TNS2: variants seen among roughly 807,000 people sequenced by gnomAD.
TNS2 encodes the protein tensin-2.
TNS2 carries 77 observed loss-of-function variants against 155.7 expected under a neutral mutation model. That is an observed-to-expected ratio of 0.49 (90% confidence interval 0.41 to 0.60). The LOEUF is 0.60. Ranked by LOEUF, TNS2 falls within the 20% of genes least tolerant of loss-of-function variation. The pLI is 0.00. For missense variants in TNS2, 1,703 were observed against 1,868.8 expected, an observed-to-expected ratio of 0.91 and a Z score of 1.64; for synonymous variants, 726 against 763.9, an observed-to-expected ratio of 0.95 and a Z score of 0.82.
At position 53,060,120 on chromosome 12, in the gene TNS2, C is replaced by A; in HGVS notation, c.2479C>A (p.Arg827=). 6.2e-7 allele frequency: 1 copy of A among 1,610,652 alleles called. No individual in the cohort carries two copies. Among genetic ancestry groups the A allele is most frequent in the Non-Finnish European group, 8.5e-7 (1 of 1,178,360 alleles). Residue 827 remains arginine, a synonymous_variant, in exon 18 of 29, where the codon CGG becomes AGG. Transcript: ENST00000314250. This position sits in a 1 kb window ranked among gnomAD's most constrained non-coding sequence, Gnocchi z 6.1. ...TCCCAGCCCTGGTGCCCACTCCCCA[C>A]GGGCTGGCTCCATTTCCCCGGGCAG... ...GYPSPGAHSP[R]AGSISPGSPP...
At chr12:53,057,296 A>C (rs1263726929) in intron 11 of TNS2, among the ~76,000 whole-genome samples, 200 bp downstream of exon 11, 7 of 152,232 alleles carry the variant, frequency 4.6e-5, no homozygotes, top group Non-Finnish European at 7.3e-5. Context: ...CCTGGGAATA[A>C]ATAGACGAGG....
chr12:53,060,735 C>A lies in TNS2; in HGVS notation c.2829C>A (p.Gly943=). 1 of 1,607,250 alleles carries A rather than the reference C, an allele frequency of 6.2e-7. No individual in the cohort carries two copies. Among genetic ancestry groups the A allele is most frequent in the Non-Finnish European group, 8.5e-7 (1 of 1,176,004 alleles). ...CGCCCACTCAGAGACTGAGTCCTGG[C>A]GAGGCCTTGCCCCCTGTTTCCCAGG... The part of the protein sequence containing the change: ...TSAPTQRLSP[G]EALPPVSQAG... Residue 943 remains glycine (G), a synonymous_variant, in exon 20 of 29, where the codon GGC becomes GGA. Coordinates refer to ENST00000314250, the MANE Select transcript of TNS2 (RefSeq NM_170754.4). The surrounding 1 kb of genome is among the most constrained non-coding windows in gnomAD (Gnocchi z 6.1).
rs934560150 is a variant in TNS2 at position 53,059,637 on chromosome 12, T to C, written c.1996T>C (p.Phe666Leu). The part of the protein sequence containing the change: ...PEMGKPATGD[F>L]GYRAPGYREV... The stretch of plus-strand genomic sequence containing the variant: ...GATGGGGAAACCAGCCACTGGGGAC[T>C]TTGGCTACCGCGCCCCAGGCTACCG... Residue 666 changes from phenylalanine to leucine, a missense_variant, in exon 18 of 29, where the codon TTT (phenylalanine) becomes CTT (leucine). Coordinates refer to ENST00000314250, the MANE Select transcript of TNS2 (RefSeq NM_170754.4). The surrounding 1 kb of genome is among the most constrained non-coding windows in gnomAD (Gnocchi z 4.7). 6.2e-7 allele frequency: 1 copy of C among 1,613,216 alleles called. No individual in the cohort carries two copies. Among genetic ancestry groups the C allele is most frequent in the Non-Finnish European group, 8.5e-7 (1 of 1,179,830 alleles).
At chr12:53,054,542 G>A (rs1040399423) in intron 7 of TNS2, 101 bp downstream of exon 7, 2 of 1,359,860 alleles carry the variant, frequency 1.5e-6, no homozygotes, top group Non-Finnish European at 1.9e-6. Flanking sequence ...AGGCCGCCAG[G>A]GGGCGGGACC....
chr12:53,051,914 C>T lies in TNS2; in HGVS notation c.135C>T (p.Val45=). The T allele has an allele frequency of 6.2e-7, 1 of 1,613,746 alleles. No individual in the cohort carries two copies. Among genetic ancestry groups the T allele is most frequent in the Non-Finnish European group, 8.5e-7 (1 of 1,179,810 alleles). ...REKVFRKKPP[V]CAVCKVTIDG... is the part of the protein sequence containing the mutation. The stretch of plus-strand genomic sequence containing the variant: ...AGGTTTTCCGGAAGAAACCTCCAGT[C>T]TGTGCAGTATGTAAGGTGACCATCG... Residue 45 remains valine, a synonymous_variant, in exon 2 of 29, where the codon GTC becomes GTT. Transcript: ENST00000314250.
Position 53,059,401 on chromosome 12 carries a change from G to T in TNS2, c.1760G>T (p.Gly587Val). The change falls in exon 18 of 29, where the codon GGC becomes GTC. Residue 587 changes from glycine to valine, a missense_variant. Transcript: ENST00000314250. The surrounding 1 kb of genome is among the most constrained non-coding windows in gnomAD (Gnocchi z 4.7). ...GGAGTGTATCCAGGCCATAGGCCTG[G>T]CCTCAGCCGCCACTGCTCCTGCCGC... ...HLGVYPGHRP[G>V]LSRHCSCRQG... The T allele has an allele frequency of 1.4e-6, 2 of 1,468,746 alleles. No homozygotes were observed. 91.0% of individuals were successfully genotyped at this position (1,468,746 alleles called of 1,614,324 possible).
intron 1 of TNS2, 31 bp from the exon 2 acceptor site, chr12:53,051,824 C>A: frequency 6.3e-7 from 1 of 1,579,284 alleles, no homozygotes; most frequent in Non-Finnish European, 8.7e-7. Flanking sequence ...CCACTGGGAA[C>A]TCACACCTCT....
At position 53,053,977 on chromosome 12, in the gene TNS2, T is replaced by A; in HGVS notation, c.313T>A (p.Ser105Thr). ...RRIEHLGSTK[S>T]LNHSKQRSTL... is the part of the protein sequence containing the mutation. ...TGTTAACCACCAGGGATCCACCAAATCTCTGAACCACTCAAAGCAGCGCAG... is the reference window on the plus strand; with the variant it reads ...TGTTAACCACCAGGGATCCACCAAAACTCTGAACCACTCAAAGCAGCGCAG... Residue 105 changes from serine to threonine, a missense_variant, in exon 6 of 29, where the codon TCT becomes ACT. By Grantham distance (58) the Ser-to-Thr change is moderately conservative. Transcript: ENST00000314250. 1 of 1,614,070 alleles carries A rather than the reference T, an allele frequency of 6.2e-7. No individual in the cohort carries two copies. Among genetic ancestry groups the A allele is most frequent in the Non-Finnish European group, 8.5e-7 (1 of 1,179,988 alleles).
At position 53,062,578 on chromosome 12, in the gene TNS2, C is replaced by T; in HGVS notation, c.3746-42C>T. 1.9e-6 allele frequency: 3 copies of T among 1,611,624 alleles called. No homozygotes were observed. The African/African-American group carries it at 4.0e-5, about 22-fold the overall frequency. Reference sequence around the variant, plus strand: ...AGGGAGTGCTCCAGCCTGGGGAACACTCTGCCTTCTGAGCTTCCCTGTCGG... The same window carrying T: ...AGGGAGTGCTCCAGCCTGGGGAACATTCTGCCTTCTGAGCTTCCCTGTCGG... On this transcript the variant is annotated intron_variant, in intron 24 of 28. Coordinates refer to ENST00000314250, the MANE Select transcript of TNS2 (RefSeq NM_170754.4).
In TNS2 at chr12:53,057,114, G is replaced by T. The variant is rs1408608676; in HGVS notation, c.845+18G>T. The T allele has an allele frequency of 6.2e-7, 1 of 1,606,440 alleles. No homozygotes were observed. On this transcript the variant is annotated intron_variant, in intron 11 of 28. Coordinates refer to ENST00000314250, the MANE Select transcript of TNS2 (RefSeq NM_170754.4). ...CAGCGTCGGTGAGCAGCCTGGGTGG[G>T]GATGGGCCAGAGGAGCAGCTCCCTT...
rs1344011131 is a variant in TNS2 at position 53,059,516 on chromosome 12, C to A, written c.1875C>A (p.Gly625=). The A allele has an allele frequency of 1.0e-5, 16 of 1,582,520 alleles. No homozygotes were observed. Among genetic ancestry groups the A allele is most frequent in the Non-Finnish European group, 1.3e-5 (15 of 1,166,934 alleles). The change falls in exon 18 of 29, where the codon GGC becomes GGA. Residue 625 remains glycine, a synonymous_variant. Coordinates refer to ENST00000314250, the MANE Select transcript of TNS2 (RefSeq NM_170754.4). This position sits in a 1 kb window ranked among gnomAD's most constrained non-coding sequence, Gnocchi z 4.7. ...TLERRRLAYG[G]YEGSPQGYAE... is the part of the protein sequence containing the mutation. The stretch of plus-strand genomic sequence containing the variant: ...AGAGGAGGCGACTGGCCTACGGGGG[C>A]TATGAGGGATCCCCCCAGGGCTACG...
chr12:53,054,382 C>A lies in TNS2; in HGVS notation c.463C>A (p.Arg155=), dbSNP rs373949417. The change falls in exon 7 of 29, where the codon CGG becomes AGG. Residue 155 remains arginine (R), a synonymous_variant. Coordinates refer to ENST00000314250, the MANE Select transcript of TNS2 (RefSeq NM_170754.4). ...FPARPDEQRH[R]GHLRELAHVL... ...CGCGCGGCCCGATGAACAGCGGCAC[C>A]GGGGCCACCTGCGCGAGCTGGCCCA... 1 of 1,611,446 alleles carries A rather than the reference C, an allele frequency of 6.2e-7. No homozygotes were observed. Among genetic ancestry groups the A allele is most frequent in the South Asian group, 1.1e-5 (1 of 91,014 alleles).
rs1327702952 is a variant in TNS2, at chr12:53,054,459, C to T, written c.522+18C>T. 3.8e-6 allele frequency: 6 copies of T among 1,581,870 alleles called. No individual in the cohort carries two copies. The highest frequency in any genetic ancestry group is 1.4e-5 in the African/African-American group (1 of 72,924). On this transcript the variant is annotated intron_variant, in intron 7 of 28. Coordinates refer to ENST00000314250, the MANE Select transcript of TNS2 (RefSeq NM_170754.4). ...AGTACCTGGTGAGGGGCGGGGCCAT[C>T]AGGAGTCCGCCAATGAGAGGGATGT...
chr12:53,060,816 C>T lies in TNS2; in HGVS notation c.2910C>T (p.Ala970=). Residue 970 remains alanine, a synonymous_variant, in exon 20 of 29, where the codon GCC becomes GCT. Coordinates refer to ENST00000314250, the MANE Select transcript of TNS2 (RefSeq NM_170754.4). The surrounding 1 kb of genome is among the most constrained non-coding windows in gnomAD (Gnocchi z 6.1). The stretch of plus-strand genomic sequence containing the variant: ...CGGGAAGTGGGCCTGAGCCTCTGGC[C>T]CCTAGCCCAGTCTCTCCGACCTTCC... ...LPSGSGPEPL[A]PSPVSPTFPP... 1 of 1,610,656 alleles carries T rather than the reference C, an allele frequency of 6.2e-7. No homozygotes were observed. The highest frequency in any genetic ancestry group is 8.5e-7 in the Non-Finnish European group (1 of 1,177,934).
intron 2 of TNS2, 159 bp from the exon 3 acceptor site, chr12:53,052,296 C>A: frequency 1.1e-6 from 1 of 898,216 alleles, no homozygotes; most frequent in Non-Finnish European, 1.8e-6. Flanking sequence ...ACTCTTCCCT[C>A]AAAACCTAGC....
rs1198911308 is a variant in TNS2 at position 53,059,109 on chromosome 12, C to A, written c.1468C>A (p.Pro490Thr). The change falls in exon 18 of 29, where the codon CCC (proline) becomes ACC (threonine). Residue 490 changes from proline (P) to threonine (T), a missense_variant. Physicochemically the swap from Pro to Thr is conservative, Grantham distance 38. Coordinates refer to ENST00000314250, the MANE Select transcript of TNS2 (RefSeq NM_170754.4). The surrounding 1 kb of genome is among the most constrained non-coding windows in gnomAD (Gnocchi z 4.7). ...TCCTTATGCCCAGGTGCAGCGGCCT[C>A]CCCGGCAGACCCCCCCGGCACCCTC... ...GSPYAQVQRP[P>T]RQTPPAPSPE... The A allele has an allele frequency of 1.3e-6, 2 of 1,551,154 alleles. No individual in the cohort carries two copies. Among genetic ancestry groups the A allele is most frequent in the Non-Finnish European group, 1.7e-6 (2 of 1,156,534 alleles).
Position 53,054,496 on chromosome 12 carries a change from G to A in TNS2, c.522+55G>A, listed in dbSNP as rs150840583. The A allele has an allele frequency of 3.3e-6, 5 of 1,509,210 alleles. No homozygotes were observed. The East Asian group carries it at 1.2e-4, about 36-fold the overall frequency. The allele number at this position is 1,509,210 out of a possible 1,614,324, so 93.5% of individuals were successfully genotyped here. On this transcript the variant is annotated intron_variant, in intron 7 of 28. Coordinates refer to ENST00000314250, the MANE Select transcript of TNS2 (RefSeq NM_170754.4). ...AATGAGAGGGATGTAGGGTCCAGAT[G>A]GGCGAGGCTAATCACTGACGTCACC... is the stretch of plus-strand genomic sequence containing the variant.
Position 53,061,138 on chromosome 12 carries a change from C to T in TNS2, c.3232C>T (p.His1078Tyr). 6.2e-7 allele frequency: 1 copy of T among 1,610,140 alleles called. No homozygotes were observed. The highest frequency in any genetic ancestry group is 8.5e-7 in the Non-Finnish European group (1 of 1,178,080). Residue 1078 changes from histidine (H) to tyrosine (Y), a missense_variant, in exon 20 of 29, where the codon CAC (histidine) becomes TAC (tyrosine). Transcript: ENST00000314250. Reference sequence around the variant, plus strand: ...CCAGCCCCCACTTCCTGAGAAACGCCACCTGCCCGGGCCGGGGCAACAGCC... The same window carrying T: ...CCAGCCCCCACTTCCTGAGAAACGCTACCTGCCCGGGCCGGGGCAACAGCC... ...LSQPPLPEKR[H>Y]LPGPGQQPGP...
At chr12:53,061,659 C>G in intron 21 of TNS2, 156 bp from the exon 22 acceptor site, 2 of 1,404,710 alleles carry the variant, frequency 1.4e-6, no homozygotes, top group Admixed American at 4.6e-5. Context: ...GTCAAAACCC[C>G]TGTGAACTCT....
Sources: allele counts gnomAD v4.1 joint callset (sites outside exome capture counted in the v4.1 genomes callset), GRCh38; gene constraint gnomAD v4.1.1; non-coding constraint Gnocchi (gnomAD v3.1); transcripts MANE v1.5; gene names NCBI Gene and HGNC (gene_info 2026-07-23, HGNC 2026-07-21).